Variants in FAM168A observed in about 807,000 individuals in gnomAD.
The protein encoded by FAM168A is family with sequence similarity 168 member A, also known as protein FAM168A.
A neutral mutation model predicts 28.5 loss-of-function variants in FAM168A; 3 were observed. The observed-to-expected ratio is 0.11, with a 90% CI of 0.05 to 0.27. The LOEUF (loss-of-function observed/expected upper bound fraction) is 0.27, where lower values mean the gene tolerates loss of function less well. FAM168A is among the 10% of genes least tolerant of loss of function. FAM168A has a pLI of 1.00. For missense variants in FAM168A, 222 were observed against 311.5 expected (o/e 0.71, Z 2.16); for synonymous variants, 122 against 124.2 (o/e 0.98, Z 0.12).
chr11:73,524,852 G>A (rs937889216), intron 1 of FAM168A, among the ~76,000 whole-genome samples: 7 of 152,174 alleles, frequency 4.6e-5, no homozygotes, highest in East Asian at 3.9e-4. Context: ...CACCTGCCTC[G>A]GCCTCACAAA....
chr11:73,453,603 C>T (rs562203252), intron 2 of FAM168A, among the ~76,000 whole-genome samples: 5 of 152,242 alleles, frequency 3.3e-5, no homozygotes, highest in African/African-American at 7.2e-5. Flanking sequence ...TAAAGTCTCA[C>T]GAATAAGTGA....
intron 1 of FAM168A, among the ~76,000 whole-genome samples, chr11:73,555,275 T>C (rs1348021476): frequency 6.6e-6 from 1 of 152,100 alleles, no homozygotes; most frequent in South Asian, 2.1e-4. Context: ...CAGCTATACA[T>C]GAGTCAGTCA....
chr11:73,535,820 C>T (rs1184702163), intron 1 of FAM168A, among the ~76,000 whole-genome samples: 1 of 151,030 alleles, frequency 6.6e-6, no homozygotes, highest in Non-Finnish European at 1.5e-5. Flanking sequence ...CTTGGCCTCC[C>T]AAGGCACTAG....
At chr11:73,558,616 A>AC (rs577240480) in intron 1 of FAM168A, among the ~76,000 whole-genome samples, 239 of 151,832 alleles carry the variant, frequency 1.6e-3, no homozygotes, top group African/African-American at 5.6e-3. Context: ...AAAAAAAAAA[A>AC]TTTTAATGGG....
chr11:73,544,977 A>AAT (rs1282828309), intron 1 of FAM168A, among the ~76,000 whole-genome samples: 1 of 83,880 alleles, frequency 1.2e-5, no homozygotes, highest in Non-Finnish European at 2.0e-5. Context: ...TATATTATAT[A>AAT]ATATATTTTA....
At chr11:73,494,105 A>C (rs1854815505) in intron 1 of FAM168A, among the ~76,000 whole-genome samples, 1 of 152,082 alleles carries the variant, frequency 6.6e-6, no homozygotes, top group Admixed American at 6.5e-5. Context: ...CATTATGTAC[A>C]GTATGGACAT....
At chr11:73,441,863 T>C (rs1227744514) in intron 2 of FAM168A, among the ~76,000 whole-genome samples, 1 of 152,212 alleles carries the variant, frequency 6.6e-6, no homozygotes, top group Admixed American at 6.5e-5. Context: ...ATGTCCTCTG[T>C]ATCATTCTTG....
At chr11:73,578,309 A>C (rs1944200119) in intron 1 of FAM168A, among the ~76,000 whole-genome samples, 1 of 152,184 alleles carries the variant, frequency 6.6e-6, no homozygotes, top group Admixed American at 6.5e-5. Context: ...GAGGAGGGAA[A>C]GACTTCAAAG....
At chr11:73,467,726 T>G (rs1416388476) in intron 2 of FAM168A, among the ~76,000 whole-genome samples, 1 of 152,184 alleles carries the variant, frequency 6.6e-6, no homozygotes, top group East Asian at 1.9e-4. Context: ...GCAGAGGAAC[T>G]TAAGTTGCTG....
chr11:73,430,535 C>G, intron 3 of FAM168A, 155 bp downstream of exon 3: 2 of 677,334 alleles, frequency 3.0e-6, no homozygotes, highest in South Asian at 3.2e-5. Context: ...GCTGATTGTC[C>G]CAGTTCCCAG....
At chr11:73,423,173 G>A (rs763496073) in intron 3 of FAM168A, among the ~76,000 whole-genome samples, 1 of 152,164 alleles carries the variant, frequency 6.6e-6, no homozygotes, top group East Asian at 1.9e-4. Context: ...ATAGTTTCTA[G>A]TTCTGGTTTC....
rs903650823 is a variant in FAM168A, at chr11:73,402,017, G to A, written c.*4746C>T. The A allele has an allele frequency of 1.3e-5, 2 of 152,310 alleles. No homozygotes were observed. The highest frequency in any genetic ancestry group is 4.8e-5 in the African/African-American group (2 of 41,468). The allele number at this position is 152,310 out of a possible 1,614,324, so 9.4% of individuals were successfully genotyped here. A position where few individuals can be genotyped will look rare whatever the true frequency, so the allele number is the denominator to read the frequency against. On this transcript the variant is annotated 3_prime_UTR_variant, in exon 8 of 8. Coordinates refer to ENST00000356467, the MANE Select transcript of FAM168A (RefSeq NM_015159.3). The stretch of plus-strand genomic sequence containing the variant: ...TGGCATGCCTGCCTGTGCGCTCAGA[G>A]GCTCCGGTGTGGAATCCCATCAGTT...
chr11:73,498,148 C>T (rs1056949312), intron 1 of FAM168A, among the ~76,000 whole-genome samples: 1 of 152,034 alleles, frequency 6.6e-6, no homozygotes, highest in Admixed American at 6.5e-5. Context: ...GAAGCAGTGG[C>T]GTTTGGAGGC....
intron 1 of FAM168A, among the ~76,000 whole-genome samples, chr11:73,508,983 T>C (rs936099127): frequency 6.6e-6 from 1 of 152,194 alleles, no homozygotes; most frequent in Non-Finnish European, 1.5e-5. Flanking sequence ...CCTGCTGCCA[T>C]GTAAGACATG....
intron 1 of FAM168A, among the ~76,000 whole-genome samples, chr11:73,595,991 G>A (rs988083584): frequency 6.6e-6 from 1 of 152,108 alleles, no homozygotes; most frequent in Admixed American, 6.6e-5. Flanking sequence ...TACATAAAGC[G>A]GTGGTGCCAA....
intron 2 of FAM168A, among the ~76,000 whole-genome samples, chr11:73,441,278 C>T (rs1867190193): frequency 1.3e-5 from 2 of 152,120 alleles, no homozygotes; most frequent in Admixed American, 1.3e-4. Flanking sequence ...AAGATGGTCT[C>T]GATCTCCTGA....
intron 1 of FAM168A, among the ~76,000 whole-genome samples, chr11:73,546,203 T>C (rs770587177): frequency 4.6e-4 from 70 of 152,226 alleles, no homozygotes; most frequent in Non-Finnish European, 4.3e-4. Context: ...AGATCCTATA[T>C]CCCTGCATTT....
At chr11:73,568,547 G>C (rs1444691469) in intron 1 of FAM168A, among the ~76,000 whole-genome samples, 1 of 152,208 alleles carries the variant, frequency 6.6e-6, no homozygotes. Context: ...ATATAACCTA[G>C]AAGCTAAATG....
chr11:73,550,430 A>G (rs1478042448), intron 1 of FAM168A, among the ~76,000 whole-genome samples: 2 of 151,952 alleles, frequency 1.3e-5, no homozygotes, highest in Non-Finnish European at 2.9e-5. Context: ...CAAGGCAGGC[A>G]GACTGCTGGA....
Sources: allele counts gnomAD v4.1 joint callset (sites outside exome capture counted in the v4.1 genomes callset), GRCh38; gene constraint gnomAD v4.1.1; transcripts MANE v1.5; gene names NCBI Gene and HGNC (gene_info 2026-07-23, HGNC 2026-07-21).